The following SIGLEC9 variants were observed in gnomAD, a reference collection of about 807,000 sequenced individuals.
SIGLEC9 encodes sialic acid binding Ig like lectin 9, also known as sialic acid-binding Ig-like lectin 9.
SIGLEC9 carries 26 observed loss-of-function variants against 38.3 expected under a neutral mutation model. That is an observed-to-expected ratio of 0.68 (90% CI 0.50 to 0.94). The LOEUF is 0.94. Among genes scored for constraint, SIGLEC9 ranks in the 40% least tolerant of loss-of-function variants. The pLI is 0.00. For synonymous variants in SIGLEC9, 236 were observed against 248.0 expected (o/e 0.95, Z 0.45); for missense variants, 556 against 585.7 (o/e 0.95, Z 0.52).
At chr19:51,124,245 T>C (rs1303427581), upstream of SIGLEC9, among the ~76,000 whole-genome samples, 1 of 152,158 alleles carries the variant, frequency 6.6e-6, no homozygotes, top group Non-Finnish European at 1.5e-5. Context: ...CTCCCCTCTG[T>C]GTCCTTGGCG....
In SIGLEC9 at chr19:51,127,173, C is replaced by T; in HGVS notation, c.892C>T (p.Gln298Ter). ...SWRGLTLCPS[Q>*]PSNPGVLELP... ...GAGAGGCCTGACCCTGTGCCCCTCACAGCCCTCAAACCCGGGGGTGCTGGA... is the reference window on the plus strand; with the variant it reads ...GAGAGGCCTGACCCTGTGCCCCTCATAGCCCTCAAACCCGGGGGTGCTGGA... Residue 298 changes from glutamine (Q) to a stop codon, truncating the protein, a stop_gained, in exon 4 of 7, where the codon CAG (glutamine) becomes TAG (stop). Coordinates refer to ENST00000250360, the MANE Select transcript of SIGLEC9 (RefSeq NM_014441.3). LOFTEE classifies it high-confidence loss of function. The T allele has an allele frequency of 6.2e-7, 1 of 1,614,266 alleles. No homozygotes were observed. The highest frequency in any genetic ancestry group is 1.3e-5 in the African/African-American group (1 of 75,078).
rs749059010 is a variant in SIGLEC9, at chr19:51,125,561, C to T, written c.422-36C>T. ...TCCCCCCAGGGCTGCACCATGGATC[C>T]TCTGACCTGATCCTGAGTCCCCCTC... On this transcript the variant is annotated intron_variant, in intron 1 of 6. Coordinates refer to ENST00000250360, the MANE Select transcript of SIGLEC9 (RefSeq NM_014441.3). 1.9e-6 allele frequency: 3 copies of T among 1,605,372 alleles called. No individual in the cohort carries two copies. The South Asian group carries it at 3.3e-5, about 18-fold the overall frequency.
Position 51,129,977 on chromosome 19 carries a change from G to A in SIGLEC9, c.1290G>A (p.Glu430=). 6.2e-7 allele frequency: 1 copy of A among 1,614,102 alleles called. No homozygotes were observed. Among genetic ancestry groups the A allele is most frequent in the South Asian group, 1.1e-5 (1 of 91,074 alleles). Residue 430 remains glutamate, a synonymous_variant, in exon 7 of 7, where the codon GAG becomes GAA. Transcript: ENST00000250360. ...ASARSSVGEG[E]LQYASLSFQM... ...CCCGCTCCTCAGTGGGGGAAGGAGA[G>A]CTCCAGTATGCATCCCTCAGCTTCC...
At chr19:51,126,031 G>A (rs763122748) in intron 2 of SIGLEC9, 50 bp from the exon 3 acceptor site, 1 of 1,599,288 alleles carries the variant, frequency 6.3e-7, no homozygotes, top group South Asian at 1.1e-5. Flanking sequence ...GACAGGGCCA[G>A]TGTCCCCAGC....
Position 51,127,101 on chromosome 19 carries a change from G to A in SIGLEC9, c.820G>A (p.Val274Ile). 1 of 1,614,216 alleles carries A rather than the reference G, an allele frequency of 6.2e-7. No individual in the cohort carries two copies. The highest frequency in any genetic ancestry group is 1.1e-5 in the South Asian group (1 of 91,080). ...CCAGTCTCTGCGCCTGGTCTGTGCA[G>A]TTGATGCAGTTGACAGCAATCCCCC... ...EGQSLRLVCA[V>I]DAVDSNPPAR... The change falls in exon 4 of 7, where the codon GTT becomes ATT. Residue 274 changes from valine (V) to isoleucine (I), a missense_variant. Coordinates refer to ENST00000250360, the MANE Select transcript of SIGLEC9 (RefSeq NM_014441.3).
At position 51,128,364 on chromosome 19, in the gene SIGLEC9, C is replaced by T. The variant is rs142272757; in HGVS notation, c.1107-50C>T. 208 of 1,592,148 alleles carry T rather than the reference C, an allele frequency of 1.3e-4. 2 individuals are homozygous for T. The African/African-American group carries it at 2.4e-3, about 18-fold the overall frequency. On this transcript the variant is annotated intron_variant, in intron 5 of 6. Coordinates refer to ENST00000250360, the MANE Select transcript of SIGLEC9 (RefSeq NM_014441.3). ...CACATGGGGGTACCTGGTCTGCCCACCGCACCCCAATCTGACCACACTGAA... is the reference window on the plus strand; with the variant it reads ...CACATGGGGGTACCTGGTCTGCCCATCGCACCCCAATCTGACCACACTGAA...
In SIGLEC9 at chr19:51,126,324, AC is replaced by A. The variant is rs903721897; in HGVS notation, c.748+204del. 2.2e-4 allele frequency among the ~76,000 whole-genome samples: 28 copies of A among 129,622 alleles called. 1 individual carries two copies. Among genetic ancestry groups the A allele is most frequent in the African/African-American group, 7.3e-4 (25 of 34,054 alleles). 85.0% of individuals were successfully genotyped at this position (129,622 alleles called of 152,430 possible). ...TCACCTCCCTTGGACTCCCCCACAC[AC>A]CCCCCCCTCAGCCTCAAACAAGAAG... On this transcript the variant is annotated intron_variant, in intron 3 of 6. Transcript: ENST00000250360.
chr19:51,133,573 C>A (rs2092028218), downstream of SIGLEC9, among the ~76,000 whole-genome samples: 1 of 152,018 alleles, frequency 6.6e-6, no homozygotes. Flanking sequence ...CAGAGTGAGA[C>A]CCCATCTTGA....
downstream of SIGLEC9, among the ~76,000 whole-genome samples, chr19:51,134,006 T>C (rs2092030103): frequency 6.6e-6 from 1 of 151,966 alleles, no homozygotes; most frequent in South Asian, 2.1e-4. Flanking sequence ...TTATATGAAG[T>C]TCAAGAACAG....
intron 2 of SIGLEC9, 29 bp downstream of exon 2, chr19:51,125,904 C>T (rs1230404831): frequency 2.5e-6 from 4 of 1,613,632 alleles, no homozygotes; most frequent in Non-Finnish European, 3.4e-6. Flanking sequence ...CGCCTGGGTC[C>T]CTGATGGGGT....
At chr19:51,136,080 A>G (rs1201583407) in exon 7 of SIGLEC9, 3 of 703,704 alleles carry the variant, frequency 4.3e-6, no homozygotes, top group Non-Finnish European at 7.8e-6. Flanking sequence ...CATTTCAGTC[A>G]TTTCAGACTC....
At chr19:51,126,991 T>C (rs2091982553) in intron 3 of SIGLEC9, 39 bp from the exon 4 acceptor site, 2 of 1,587,228 alleles carry the variant, frequency 1.3e-6, no homozygotes, top group African/African-American at 2.7e-5. Context: ...TTTCTCCAGA[T>C]CTATGTATCT....
chr19:51,127,430 C>G, intron 4 of SIGLEC9, 134 bp downstream of exon 4: 4 of 987,574 alleles, frequency 4.1e-6, no homozygotes, highest in Non-Finnish European at 5.8e-6. Context: ...CTGGAACTTC[C>G]CTGGGACCCA....
chr19:51,122,364 C>T (rs1446934404), upstream of SIGLEC9, among the ~76,000 whole-genome samples: 2 of 152,028 alleles, frequency 1.3e-5, no homozygotes, highest in African/African-American at 4.8e-5. This position sits in a 1 kb window ranked among gnomAD's most constrained non-coding sequence, Gnocchi z 4.1. Context: ...GGGCAGATCA[C>T]GAGGTCAGGA....
intron 3 of SIGLEC9, 32 bp from the exon 4 acceptor site, chr19:51,126,996 GTA>G: frequency 6.3e-7 from 1 of 1,596,892 alleles, no homozygotes; most frequent in Non-Finnish European, 8.6e-7. Context: ...CCAGATCTAT[GTA>G]TCTCTCTGAC....
chr19:51,123,555 C>T (rs1262441932), upstream of SIGLEC9, among the ~76,000 whole-genome samples: 1 of 152,176 alleles, frequency 6.6e-6, no homozygotes, highest in African/African-American at 2.4e-5. Flanking sequence ...TTCACGGCAA[C>T]GTGCACAGAT....
chr19:51,128,653 T>C (rs888146034), intron 6 of SIGLEC9, 143 bp downstream of exon 6: 13 of 720,356 alleles, frequency 1.8e-5, no homozygotes, highest in African/African-American at 3.6e-5. Context: ...ATCACAATGT[T>C]TGGTTGGTTT....
chr19:51,130,061 G>A lies in SIGLEC9; in HGVS notation c.1374G>A (p.Glu458=). 6.2e-7 allele frequency: 1 copy of A among 1,612,080 alleles called. No individual in the cohort carries two copies. The highest frequency in any genetic ancestry group is 1.1e-5 in the South Asian group (1 of 90,808). Reference sequence around the variant, plus strand: ...AGGCCACTGACACCGAGTACTCGGAGATCAAGATCCACAGATGAGAAACTG... The same window carrying A: ...AGGCCACTGACACCGAGTACTCGGAAATCAAGATCCACAGATGAGAAACTG... The part of the protein sequence containing the change: ...GQEATDTEYS[E]IKIHR The change falls in exon 7 of 7, where the codon GAG becomes GAA. Residue 458 remains glutamate, a synonymous_variant. Coordinates refer to ENST00000250360, the MANE Select transcript of SIGLEC9 (RefSeq NM_014441.3).
Position 51,130,263 on chromosome 19 carries a change from C to A in SIGLEC9, c.*184C>A. On this transcript the variant is annotated 3_prime_UTR_variant, in exon 7 of 7. Coordinates refer to ENST00000250360, the MANE Select transcript of SIGLEC9 (RefSeq NM_014441.3). ...AAAGTATCTCAAACCTGAATCCACA[C>A]TGTGCCCTCCCTTTTATTTTTTTAA... 1.7e-6 allele frequency: 2 copies of A among 1,160,426 alleles called. No homozygotes were observed. The highest frequency in any genetic ancestry group is 2.2e-6 in the Non-Finnish European group (2 of 898,832). The allele number at this position is 1,160,426 out of a possible 1,614,324, so 71.9% of individuals were successfully genotyped here.
Sources: allele counts gnomAD v4.1 joint callset (sites outside exome capture counted in the v4.1 genomes callset), GRCh38; gene constraint gnomAD v4.1.1; non-coding constraint Gnocchi (gnomAD v3.1); transcripts MANE v1.5; gene names NCBI Gene and HGNC (gene_info 2026-07-23, HGNC 2026-07-21).